Variants in PDE3B observed in about 807,000 individuals in gnomAD.
PDE3B encodes the protein cGMP-inhibited 3',5'-cyclic phosphodiesterase 3B.
PDE3B carries 66 observed loss-of-function variants against 116.8 expected under a neutral mutation model. That is an observed-to-expected ratio of 0.56 (90% CI 0.46 to 0.69). The LOEUF is 0.69. Ranked by LOEUF, PDE3B falls within the 30% of genes least tolerant of loss-of-function variation. The pLI is 0.00. For missense variants in PDE3B, 1,384 were observed against 1,368.1 expected, an observed-to-expected ratio of 1.01 and a Z score of -0.18; for synonymous variants, 595 against 533.6, an observed-to-expected ratio of 1.12 and a Z score of -1.59.
chr11:14,884,291 A>G, the PDE3B span, among the ~76,000 whole-genome samples: 1 of 152,026 alleles, frequency 6.6e-6, no homozygotes, highest in African/African-American at 2.4e-5. Context: ...CAAAGGTCCA[A>G]AAATGATAGA....
At chr11:14,679,659 T>C (rs1420240212) in intron 1 of PDE3B, among the ~76,000 whole-genome samples, 1 of 152,036 alleles carries the variant, frequency 6.6e-6, no homozygotes, top group East Asian at 2.0e-4. Flanking sequence ...GACTCTCTTC[T>C]GTCTTTTCTG....
intron 1 of PDE3B, among the ~76,000 whole-genome samples, chr11:14,661,980 T>A (rs1369669210): frequency 6.6e-6 from 1 of 152,104 alleles, no homozygotes; most frequent in African/African-American, 2.4e-5. Flanking sequence ...CAGCTGGAGA[T>A]CTGAGAACGG....
rs994694332 is a variant in PDE3B, at chr11:14,776,639, AAATAAT to A, written c.1029+4663_1029+4668del. The A allele has an allele frequency of 2.0e-5, 3 of 150,904 alleles. 1 individual carries two copies. Among genetic ancestry groups the A allele is most frequent in the Admixed American group, 2.0e-4 (3 of 15,162 alleles). 9.3% of individuals were successfully genotyped at this position (150,904 alleles called of 1,614,324 possible). ...CCCTAAAACTTAAAGTATAATTAAA[AAATAAT>A]AATAATAATAGTAATAATAAAAAAA... On this transcript the variant is annotated intron_variant, in intron 2 of 15. Transcript: ENST00000282096.
the PDE3B span, chr11:14,890,429 T>C: frequency 5.1e-5 from 50 of 977,168 alleles, 1 homozygote; most frequent in Non-Finnish European, 6.0e-5. Context: ...GAATTATACA[T>C]ACCTTTATTA....
intron 7 of PDE3B, among the ~76,000 whole-genome samples, chr11:14,826,116 G>C (rs1244574988): frequency 6.6e-6 from 1 of 152,130 alleles, no homozygotes; most frequent in African/African-American, 2.4e-5. Context: ...ACACAGCCAA[G>C]GCAGTGTTAA....
chr11:14,691,263 C>A (rs1313232669), intron 1 of PDE3B, among the ~76,000 whole-genome samples: 3 of 152,122 alleles, frequency 2.0e-5, no homozygotes, highest in Non-Finnish European at 4.4e-5. Context: ...TAAAGACTTA[C>A]AATCACATAA....
chr11:14,725,333 C>CTT lies in PDE3B; in HGVS notation c.979-46602_979-46601dup, dbSNP rs1193674176. Among the ~76,000 whole-genome samples, 83 of 133,516 alleles carry CTT rather than the reference C, an allele frequency of 6.2e-4. 1 individual carries two copies. The highest frequency in any genetic ancestry group is 2.5e-3 in the African/African-American group (78 of 31,526). 87.6% of individuals were successfully genotyped at this position (133,516 alleles called of 152,430 possible). On this transcript the variant is annotated intron_variant, in intron 1 of 15. Coordinates refer to ENST00000282096, the MANE Select transcript of PDE3B (RefSeq NM_000922.4). Reference sequence around the variant, plus strand: ...TCTCTTTCTTTCTTTCTTTCTTTTTCTTTCTTTCTTTCTTTCTTCTTTCTC... The same window carrying CTT: ...TCTCTTTCTTTCTTTCTTTCTTTTTCTTTTTCTTTCTTTCTTTCTTCTTTCTC...
At chr11:14,645,138 A>AG in intron 1 of PDE3B, 85 bp downstream of exon 1, 1 of 766,286 alleles carries the variant, frequency 1.3e-6, no homozygotes, top group Non-Finnish European at 1.8e-6. Context: ...GCTTATTTCA[A>AG]AGCATGTTAA....
intron 8 of PDE3B, 98 bp from the exon 9 acceptor site, chr11:14,831,542 C>CT: frequency 1.5e-6 from 1 of 668,968 alleles, no homozygotes; most frequent in Non-Finnish European, 2.3e-6. Flanking sequence ...ATAGTACTGA[C>CT]TTTTTTAAAT....
At chr11:14,759,747 C>T (rs1392942769) in intron 1 of PDE3B, among the ~76,000 whole-genome samples, 1 of 151,884 alleles carries the variant, frequency 6.6e-6, no homozygotes, top group Admixed American at 6.6e-5. Context: ...CAGGGTTTCA[C>T]CATGTTGGCC....
chr11:14,712,466 GTTTTTTTTTTTT>G (rs58004646), intron 1 of PDE3B, among the ~76,000 whole-genome samples: 9 of 76,286 alleles, frequency 1.2e-4, no homozygotes, highest in African/African-American at 2.5e-4. Context: ...GTACAAGCTT[GTTTTTTTTTTTT>G]TTTTTTTTTT....
At chr11:14,761,084 T>C (rs1857348808) in intron 1 of PDE3B, among the ~76,000 whole-genome samples, 1 of 152,144 alleles carries the variant, frequency 6.6e-6, no homozygotes, top group Admixed American at 6.5e-5. Flanking sequence ...GACTCTTTAA[T>C]CACAGTAAAA....
intron 1 of PDE3B, among the ~76,000 whole-genome samples, chr11:14,727,945 T>C (rs1424491547): frequency 6.6e-6 from 1 of 152,102 alleles, no homozygotes; most frequent in African/African-American, 2.4e-5. Context: ...ACATTCCATT[T>C]TGACAGTGAT....
the PDE3B span, among the ~76,000 whole-genome samples, chr11:14,888,910 A>G: frequency 1.3e-5 from 2 of 152,236 alleles, no homozygotes; most frequent in Non-Finnish European, 2.9e-5. Flanking sequence ...TTTCCTAGCC[A>G]GGGAATGCCT....
chr11:14,660,941 A>C (rs988381742), intron 1 of PDE3B, among the ~76,000 whole-genome samples: 18 of 152,350 alleles, frequency 1.2e-4, no homozygotes, highest in Admixed American at 6.5e-4. Context: ...ACTGGCCATC[A>C]GAGAAATGCA....
At chr11:14,673,846 A>G (rs568065449) in intron 1 of PDE3B, 3 of 1,254,184 alleles carry the variant, frequency 2.4e-6, no homozygotes, top group East Asian at 4.6e-5. Flanking sequence ...GGTCTCTCAA[A>G]TTTGTAGAGT....
At chr11:14,837,362 T>G (rs890475403) in intron 11 of PDE3B, among the ~76,000 whole-genome samples, 1 of 152,222 alleles carries the variant, frequency 6.6e-6, no homozygotes, top group Non-Finnish European at 1.5e-5. Flanking sequence ...TCTTTCTTTT[T>G]CCTCTCATAT....
chr11:14,872,734 C>G (rs192111041), downstream of PDE3B, among the ~76,000 whole-genome samples: 1 of 152,318 alleles, frequency 6.6e-6, no homozygotes, highest in East Asian at 1.9e-4. Context: ...TCAATTCCCA[C>G]AGTCAACCCT....
intron 5 of PDE3B, among the ~76,000 whole-genome samples, chr11:14,809,471 A>C (rs1435881568): frequency 2.0e-5 from 3 of 152,242 alleles, no homozygotes; most frequent in African/African-American, 7.2e-5. Context: ...TAAATAAGGC[A>C]GTCACAAAAG....
Sources: gnomAD v4.1 joint callset for allele counts (sites outside exome capture counted in the v4.1 genomes callset) on GRCh38, gnomAD v4.1.1 for gene constraint, MANE v1.5 for transcripts, NCBI Gene and HGNC (gene_info 2026-07-23, HGNC 2026-07-21) for gene names.